Variants in TTC23L observed in about 807,000 individuals in gnomAD.
TTC23L encodes tetratricopeptide repeat protein 23-like.
A neutral mutation model predicts 48.1 loss-of-function variants in TTC23L; 42 were observed. The ratio of observed to expected loss-of-function variants is 0.87; its 90% CI spans 0.68 to 1.13. TTC23L has a LOEUF of 1.13. Ranked by LOEUF, TTC23L falls within the 50% of genes most tolerant of loss-of-function variation. TTC23L has a pLI of 0.00. For synonymous variants in TTC23L, 159 were observed against 157.2 expected, an observed-to-expected ratio of 1.01 and a Z score of -0.09; for missense variants, 391 against 421.0, an observed-to-expected ratio of 0.93 and a Z score of 0.62.
intron 3 of TTC23L, among the ~76,000 whole-genome samples, chr5:34,848,706 T>G (rs1759423672): frequency 6.6e-6 from 1 of 152,060 alleles, no homozygotes; most frequent in African/African-American, 2.4e-5. Flanking sequence ...TGCACAGCCC[T>G]ACATTGGAAG....
Position 34,869,027 on chromosome 5 carries a change from G to A in TTC23L, c.949+14G>A. ...CCCAGCACAGGGGTAGGTAAAAGAG[G>A]TAGCCTTGAAGTTATTTCCCAGTCA... On this transcript the variant is annotated intron_variant, in intron 8 of 10. Transcript: ENST00000505624. 6.3e-7 allele frequency: 1 copy of A among 1,583,286 alleles called. No homozygotes were observed. Among genetic ancestry groups the A allele is most frequent in the Non-Finnish European group, 8.6e-7 (1 of 1,161,480 alleles).
intron 9 of TTC23L, among the ~76,000 whole-genome samples, chr5:34,886,290 T>C (rs1215365702): frequency 1.3e-5 from 2 of 151,204 alleles, no homozygotes; most frequent in African/African-American, 2.4e-5. Flanking sequence ...TATGTCATTG[T>C]TGGGTACAAT....
chr5:34,908,766 C>A, the TTC23L span: 2 of 1,598,860 alleles, frequency 1.3e-6, no homozygotes, highest in South Asian at 2.2e-5. Context: ...TTGTCATACT[C>A]AAGACTCAGA....
chr5:34,912,506 T>C, the TTC23L span, among the ~76,000 whole-genome samples: 1 of 152,184 alleles, frequency 6.6e-6, no homozygotes, highest in African/African-American at 2.4e-5. Flanking sequence ...GTATAATTAA[T>C]AATAGTGGAA....
At chr5:34,868,227 AT>A in intron 7 of TTC23L, 1 of 152,352 alleles carries the variant, frequency 6.6e-6, no homozygotes, top group South Asian at 2.1e-4. Flanking sequence ...GCCTGTATTC[AT>A]AACAACTCTG....
the TTC23L span, chr5:34,915,945 G>T: frequency 2.0e-6 from 3 of 1,489,252 alleles, no homozygotes; most frequent in East Asian, 2.5e-5. Context: ...GGCTCTGTGC[G>T]CCTTTTCTTG....
rs1383880968 is a variant in TTC23L at position 34,863,498 on chromosome 5, C to T, written c.536+444C>T. ...AAGAATTTCTGCTGTCTGTTCCTGCCCCAAAGATTTTGACTGAGAGGCTCT... is the reference window on the plus strand; with the variant it reads ...AAGAATTTCTGCTGTCTGTTCCTGCTCCAAAGATTTTGACTGAGAGGCTCT... On this transcript the variant is annotated intron_variant, in intron 5 of 10. Transcript: ENST00000505624. The surrounding 1 kb of genome is among the most constrained non-coding windows in gnomAD (Gnocchi z 4.1). 1.3e-5 allele frequency among the ~76,000 whole-genome samples: 2 copies of T among 152,074 alleles called. No homozygotes were observed. Among genetic ancestry groups the T allele is most frequent in the African/African-American group, 4.8e-5 (2 of 41,386 alleles).
chr5:34,885,486 T>C (rs533017618), intron 9 of TTC23L, among the ~76,000 whole-genome samples: 1 of 152,298 alleles, frequency 6.6e-6, no homozygotes, highest in East Asian at 1.9e-4. Flanking sequence ...CATGCCTGTC[T>C]GTAATTCCAG....
At chr5:34,867,807 A>G (rs541077500) in intron 7 of TTC23L, 10 of 152,434 alleles carry the variant, frequency 6.6e-5, no homozygotes, top group African/African-American at 2.4e-4. Flanking sequence ...AAGGCATTGC[A>G]AACAATCTGA....
At chr5:34,900,149 A>G (rs1763467480), downstream of TTC23L, among the ~76,000 whole-genome samples, 1 of 152,236 alleles carries the variant, frequency 6.6e-6, no homozygotes, top group Admixed American at 6.5e-5. Context: ...TAGGGCTGCC[A>G]ATGCCTTGTG....
chr5:34,912,919 T>C, the TTC23L span, among the ~76,000 whole-genome samples: 7 of 152,172 alleles, frequency 4.6e-5, no homozygotes, highest in Non-Finnish European at 7.3e-5. Context: ...AAGAATCACT[T>C]GAACCCGGGA....
chr5:34,896,060 G>C (rs1763203962), intron 9 of TTC23L, among the ~76,000 whole-genome samples: 1 of 152,208 alleles, frequency 6.6e-6, no homozygotes, highest in Non-Finnish European at 1.5e-5. Flanking sequence ...CAGGATTCTA[G>C]GACTAGCTGG....
exon 1 of TTC23L, chr5:34,839,196 GGTAACTGGGGAC>G (rs1758369137): frequency 6.5e-6 from 1 of 152,772 alleles, no homozygotes; most frequent in Non-Finnish European, 1.5e-5. Flanking sequence ...GGCTGCGGAA[GGTAACTGGGGAC>G]GTCGCAGGCT....
chr5:34,922,459 CATATT>C, the TTC23L span: 1 of 959,542 alleles, frequency 1.0e-6, no homozygotes, highest in South Asian at 1.4e-5. Flanking sequence ...ATATTATAAG[CATATT>C]ATTTATGGTG....
At chr5:34,856,929 C>T (rs907145485) in intron 4 of TTC23L, among the ~76,000 whole-genome samples, 7 of 152,066 alleles carry the variant, frequency 4.6e-5, no homozygotes, top group Admixed American at 1.3e-4. Flanking sequence ...CAATAGGGAC[C>T]GGAGGCTAGT....
At chr5:34,843,128 T>G (rs996921807) in intron 2 of TTC23L, among the ~76,000 whole-genome samples, 11 of 152,206 alleles carry the variant, frequency 7.2e-5, no homozygotes, top group African/African-American at 2.4e-4. Context: ...AAGTTTAAAT[T>G]CATAAAATAT....
intron 2 of TTC23L, among the ~76,000 whole-genome samples, chr5:34,843,284 A>G (rs1175464258): frequency 2.6e-5 from 4 of 152,246 alleles, no homozygotes; most frequent in Non-Finnish European, 5.9e-5. Context: ...TATGGAATCA[A>G]TTATAAACCT....
At chr5:34,895,527 A>G (rs1763161402) in intron 9 of TTC23L, among the ~76,000 whole-genome samples, 1 of 152,228 alleles carries the variant, frequency 6.6e-6, no homozygotes, top group Non-Finnish European at 1.5e-5. Flanking sequence ...AGTTATTTTG[A>G]TATACCTTTT....
At chr5:34,917,287 T>C in the TTC23L span, among the ~76,000 whole-genome samples, 1 of 152,210 alleles carries the variant, frequency 6.6e-6, no homozygotes, top group Non-Finnish European at 1.5e-5. Context: ...CAAAGCTATG[T>C]CATTTGAACT....
Sources: gnomAD v4.1 joint callset for allele counts (sites outside exome capture counted in the v4.1 genomes callset) on GRCh38, gnomAD v4.1.1 for gene constraint, Gnocchi (gnomAD v3.1) non-coding constraint, MANE v1.5 for transcripts, NCBI Gene and HGNC (gene_info 2026-07-23, HGNC 2026-07-21) for gene names.